STRN3: variants seen among roughly 807,000 people sequenced by gnomAD.
STRN3 encodes striatin 3.
In STRN3, 29 loss-of-function variants were observed where a neutral mutation model predicts 95.6. The observed-to-expected ratio is 0.30, with a 90% CI of 0.23 to 0.41. The LOEUF (loss-of-function observed/expected upper bound fraction) is 0.41. STRN3 is among the 10% of genes least tolerant of loss of function. STRN3 has a pLI of 1.00. For missense variants in STRN3, 890 were observed against 972.1 expected, an observed-to-expected ratio of 0.92 and a Z score of 1.12; for synonymous variants, 331 against 357.6, an observed-to-expected ratio of 0.93 and a Z score of 0.84.
chr14:30,911,916 G>A, intron 11 of STRN3, 91 bp downstream of exon 11: 2 of 1,548,408 alleles, frequency 1.3e-6, no homozygotes, highest in Non-Finnish European at 1.8e-6. Context: ...GATCAAATGT[G>A]TGCATTAAAG....
Position 30,984,067 on chromosome 14 carries a change from C to G in STRN3, c.283-27825G>C, listed in dbSNP as rs932532928. 2.0e-5 allele frequency among the ~76,000 whole-genome samples: 3 copies of G among 151,092 alleles called. No homozygotes were observed. In the East Asian group the frequency reaches 5.9e-4, roughly 30 times the overall value. ...CAAAAAGGATGTCTGATTTGGCCCACAGACACTGATATTGCAAGATATCTT... is the reference window on the plus strand; with the variant it reads ...CAAAAAGGATGTCTGATTTGGCCCAGAGACACTGATATTGCAAGATATCTT... On this transcript the variant is annotated intron_variant, in intron 1 of 17. Coordinates refer to ENST00000357479, the MANE Select transcript of STRN3 (RefSeq NM_001083893.2).
chr14:30,917,636 G>C (rs1486667264), intron 9 of STRN3, among the ~76,000 whole-genome samples: 6 of 150,944 alleles, frequency 4.0e-5, no homozygotes, highest in Admixed American at 4.0e-4. Context: ...TAGTGGAAAT[G>C]AGATCTGAAA....
chr14:31,024,065 T>A (rs1883649701), intron 1 of STRN3, among the ~76,000 whole-genome samples: 1 of 152,184 alleles, frequency 6.6e-6, no homozygotes. Flanking sequence ...GGAAAGCAAA[T>A]GCTAGAGCAG....
At chr14:30,958,015 T>C (rs1880004748) in intron 1 of STRN3, among the ~76,000 whole-genome samples, 1 of 152,158 alleles carries the variant, frequency 6.6e-6, no homozygotes. Flanking sequence ...AATAAATAAC[T>C]GCTGTCGTCA....
intron 1 of STRN3, among the ~76,000 whole-genome samples, chr14:30,991,281 G>A (rs1881941366): frequency 1.3e-5 from 2 of 152,128 alleles, no homozygotes; most frequent in South Asian, 4.1e-4. Flanking sequence ...GTATCACACA[G>A]AGTTCCTTCA....
At chr14:30,912,883 G>T (rs144988291) in intron 10 of STRN3, among the ~76,000 whole-genome samples, 147 of 151,470 alleles carry the variant, frequency 9.7e-4, no homozygotes, top group African/African-American at 3.3e-3. Flanking sequence ...GTGGAAAAAA[G>T]AAACTCATTA....
intron 1 of STRN3, among the ~76,000 whole-genome samples, chr14:30,997,960 T>C (rs546384279): frequency 2.0e-5 from 3 of 152,286 alleles, no homozygotes; most frequent in African/African-American, 4.8e-5. Context: ...GGAGTGTCCA[T>C]TAAACAAATA....
chr14:30,961,655 T>C (rs1566459889), intron 1 of STRN3, among the ~76,000 whole-genome samples: 1 of 152,342 alleles, frequency 6.6e-6, no homozygotes, highest in East Asian at 1.9e-4. Flanking sequence ...CATTTTTGTT[T>C]TGAGACACCC....
At position 30,899,331 on chromosome 14, in the gene STRN3, G is replaced by T. The variant is rs144749210; in HGVS notation, c.2137+3205C>A. Among the ~76,000 whole-genome samples, 533 of 152,214 alleles carry T rather than the reference G, an allele frequency of 3.5e-3. 3 individuals are homozygous for T. Among genetic ancestry groups the T allele is most frequent in the African/African-American group, 0.012 (503 of 41,514 alleles). The stretch of plus-strand genomic sequence containing the variant: ...TCTACCAAAATTTTAGAAACCATGG[G>T]TCCTGAAGATCTCTCTGAAATAAAT... On this transcript the variant is annotated intron_variant, in intron 16 of 17. Coordinates refer to ENST00000357479, the MANE Select transcript of STRN3 (RefSeq NM_001083893.2).
intron 1 of STRN3, among the ~76,000 whole-genome samples, chr14:31,012,760 G>C (rs1434575906): frequency 6.6e-6 from 1 of 152,034 alleles, no homozygotes; most frequent in Non-Finnish European, 1.5e-5. Flanking sequence ...TGGGTGTGGT[G>C]GTGGGCGCCT....
At chr14:30,964,844 C>G (rs368762577) in intron 1 of STRN3, among the ~76,000 whole-genome samples, 2 of 151,378 alleles carry the variant, frequency 1.3e-5, no homozygotes, top group Non-Finnish European at 2.9e-5. Flanking sequence ...CACTTGAACT[C>G]GGAGGTGAAG....
At chr14:31,014,625 T>C (rs1227746611) in intron 1 of STRN3, 6 of 439,904 alleles carry the variant, frequency 1.4e-5, no homozygotes, top group Non-Finnish European at 2.7e-5. Context: ...TTCTAGTCTT[T>C]TAAATCTTGT....
intron 1 of STRN3, among the ~76,000 whole-genome samples, chr14:30,996,041 C>A (rs548270300): frequency 6.6e-6 from 1 of 152,332 alleles, no homozygotes; most frequent in Admixed American, 6.5e-5. Context: ...ACATTGGGTT[C>A]AAGTGAGCTT....
At chr14:30,946,078 C>A (rs879154277) in intron 5 of STRN3, among the ~76,000 whole-genome samples, 1 of 152,134 alleles carries the variant, frequency 6.6e-6, no homozygotes, top group Admixed American at 6.5e-5. Flanking sequence ...GTTTCTTTCA[C>A]GCTAGGGTCT....
At chr14:30,974,506 A>G (rs1267333713) in intron 1 of STRN3, among the ~76,000 whole-genome samples, 2 of 152,038 alleles carry the variant, frequency 1.3e-5, no homozygotes, top group Non-Finnish European at 2.9e-5. Context: ...CACAGATTCA[A>G]TGCAATCCTT....
intron 8 of STRN3, among the ~76,000 whole-genome samples, chr14:30,920,197 G>A (rs1348580057): frequency 6.6e-6 from 1 of 151,996 alleles, no homozygotes; most frequent in East Asian, 1.9e-4. Flanking sequence ...GGAAATAGGT[G>A]GACTTTTATA....
At chr14:30,909,648 T>G (rs1422226469) in intron 13 of STRN3, among the ~76,000 whole-genome samples, 1 of 152,074 alleles carries the variant, frequency 6.6e-6, no homozygotes, top group Non-Finnish European at 1.5e-5. Flanking sequence ...TGGCAAATCT[T>G]TAAATTTTTG....
intron 12 of STRN3, 90 bp from the exon 13 acceptor site, chr14:30,911,252 T>C: frequency 2.2e-6 from 3 of 1,389,516 alleles, no homozygotes; most frequent in Non-Finnish European, 2.9e-6. Flanking sequence ...ATTTATGTAA[T>C]ATCTAAAAAC....
At chr14:30,974,239 A>G (rs1321082178) in intron 1 of STRN3, among the ~76,000 whole-genome samples, 2 of 152,242 alleles carry the variant, frequency 1.3e-5, no homozygotes, top group African/African-American at 4.8e-5. Flanking sequence ...GTAACAGAAT[A>G]CAAAATCAAC....
Sources: gnomAD v4.1 joint callset for allele counts (sites outside exome capture counted in the v4.1 genomes callset) on GRCh38, gnomAD v4.1.1 for gene constraint, MANE v1.5 for transcripts, NCBI Gene and HGNC (gene_info 2026-07-23, HGNC 2026-07-21) for gene names.